Variants in SDK1 observed in about 807,000 individuals in gnomAD.
SDK1 encodes the protein protein sidekick-1.
In SDK1, 157 loss-of-function variants were observed where a neutral mutation model predicts 245.5. The ratio of observed to expected loss-of-function variants is 0.64; its 90% CI spans 0.56 to 0.73. The LOEUF (loss-of-function observed/expected upper bound fraction) is 0.73, where lower values mean the gene tolerates loss of function less well. Among genes scored for constraint, SDK1 ranks in the 30% least tolerant of loss-of-function variants. The pLI is 0.00. For synonymous variants in SDK1, 1,647 were observed against 1,278.5 expected (o/e 1.29, Z -6.15); for missense variants, 3,583 against 3,002.3 (o/e 1.19, Z -4.52).
intron 1 of SDK1, among the ~76,000 whole-genome samples, chr7:3,549,131 C>A (rs554343768): frequency 1.8e-4 from 27 of 152,330 alleles, no homozygotes; most frequent in African/African-American, 6.0e-4. Flanking sequence ...AAAAAATGAG[C>A]TGTGTGAAGG....
Position 4,056,577 on chromosome 7 carries a change from G to C in SDK1, c.2911+4747G>C, listed in dbSNP as rs75491831. Reference sequence around the variant, plus strand: ...TCCCCACTGTGGGAAAAGGGAAAGGGAGAGACCCCCGTGGTCCACATTCCC... The same window carrying C: ...TCCCCACTGTGGGAAAAGGGAAAGGCAGAGACCCCCGTGGTCCACATTCCC... On this transcript the variant is annotated intron_variant, in intron 19 of 44. Coordinates refer to ENST00000404826, the MANE Select transcript of SDK1 (RefSeq NM_152744.4). 6.9e-3 allele frequency among the ~76,000 whole-genome samples: 1,056 copies of C among 152,196 alleles called. 12 individuals are homozygous for C. Among genetic ancestry groups the C allele is most frequent in the African/African-American group, 0.024 (988 of 41,516 alleles).
chr7:3,934,565 T>C (rs983995696), intron 5 of SDK1, among the ~76,000 whole-genome samples: 1 of 152,208 alleles, frequency 6.6e-6, no homozygotes, highest in African/African-American at 2.4e-5. Flanking sequence ...ATTTGGAAAG[T>C]GTAAAGTTAC....
intron 2 of SDK1, among the ~76,000 whole-genome samples, chr7:3,629,063 C>T (rs955231319): frequency 2.0e-5 from 3 of 151,348 alleles, no homozygotes; most frequent in African/African-American, 7.3e-5. Flanking sequence ...GAGGCGGAGA[C>T]GGGCAGATCA....
intron 35 of SDK1, among the ~76,000 whole-genome samples, chr7:4,200,906 T>C (rs1783845495): frequency 6.6e-6 from 1 of 152,252 alleles, no homozygotes. Context: ...AACATTGCCA[T>C]GCCCATGCAT....
At chr7:3,436,489 C>G (rs1231495608) in intron 1 of SDK1, among the ~76,000 whole-genome samples, 1 of 151,906 alleles carries the variant, frequency 6.6e-6, no homozygotes, top group Non-Finnish European at 1.5e-5. Flanking sequence ...TGTTTGCAAA[C>G]CTGAATAAAT....
At chr7:3,809,764 C>A (rs1053621717) in intron 4 of SDK1, among the ~76,000 whole-genome samples, 1 of 152,188 alleles carries the variant, frequency 6.6e-6, no homozygotes, top group South Asian at 2.1e-4. Context: ...TCACGTGGAG[C>A]GAGGGTCAAG....
intron 1 of SDK1, among the ~76,000 whole-genome samples, chr7:3,381,151 C>CTG (rs1284086865): frequency 1.3e-5 from 2 of 151,998 alleles, no homozygotes; most frequent in African/African-American, 4.8e-5. Context: ...CATGAAGGGA[C>CTG]TGAAAGGAAG....
At chr7:3,984,925 G>T (rs111232626) in intron 13 of SDK1, among the ~76,000 whole-genome samples, 1 of 152,172 alleles carries the variant, frequency 6.6e-6, no homozygotes, top group Admixed American at 6.5e-5. Context: ...ACCCTGTCTG[G>T]CCTCTCTGCC....
At chr7:4,031,130 G>T (rs903401306) in intron 17 of SDK1, among the ~76,000 whole-genome samples, 22 of 151,856 alleles carry the variant, frequency 1.4e-4, no homozygotes, top group African/African-American at 5.3e-4. Flanking sequence ...CATGGACACA[G>T]ATAAGTCTAT....
At chr7:4,152,428 G>T (rs1166349982) in intron 30 of SDK1, among the ~76,000 whole-genome samples, 4 of 152,212 alleles carry the variant, frequency 2.6e-5, no homozygotes, top group African/African-American at 4.8e-5. Context: ...TTAATTGGCA[G>T]TGTGCTCACA....
intron 4 of SDK1, among the ~76,000 whole-genome samples, chr7:3,752,243 A>T (rs1274685350): frequency 1.3e-5 from 2 of 152,142 alleles, no homozygotes; most frequent in Non-Finnish European, 1.5e-5. Flanking sequence ...TAATGAATTT[A>T]TTGGATCAAT....
intron 1 of SDK1, among the ~76,000 whole-genome samples, chr7:3,423,215 G>GT (rs1159587621): frequency 3.3e-5 from 5 of 152,100 alleles, no homozygotes; most frequent in African/African-American, 7.2e-5. Context: ...AACAATTTAC[G>GT]TTTTTTATTG....
intron 1 of SDK1, among the ~76,000 whole-genome samples, chr7:3,548,425 A>G (rs1402494280): frequency 1.3e-5 from 2 of 152,336 alleles, no homozygotes; most frequent in East Asian, 3.9e-4. Context: ...GCTACATTTT[A>G]AATGTTAATA....
chr7:3,801,763 C>T lies in SDK1; in HGVS notation c.714-19687C>T, dbSNP rs780461141. Among the ~76,000 whole-genome samples, 33 of 152,318 alleles carry T rather than the reference C, an allele frequency of 2.2e-4. No individual in the cohort carries two copies. In the East Asian group the frequency reaches 6.4e-3, roughly 29 times the overall value. On this transcript the variant is annotated intron_variant, in intron 4 of 44. Coordinates refer to ENST00000404826, the MANE Select transcript of SDK1 (RefSeq NM_152744.4). Reference sequence around the variant, plus strand: ...CTTTGGCCCTTGGAACACGCCCAGCCTGTCCCATTGCAGGGCCTTTGCACT... The same window carrying T: ...CTTTGGCCCTTGGAACACGCCCAGCTTGTCCCATTGCAGGGCCTTTGCACT...
chr7:3,466,358 G>A (rs1583899612), intron 1 of SDK1, among the ~76,000 whole-genome samples: 3 of 150,930 alleles, frequency 2.0e-5, no homozygotes, highest in East Asian at 2.0e-4. Context: ...TTAATAGGAA[G>A]CGTGACATCA....
At chr7:4,063,575 A>C (rs1469449441) in intron 19 of SDK1, among the ~76,000 whole-genome samples, 1 of 150,340 alleles carries the variant, frequency 6.7e-6, no homozygotes, top group East Asian at 1.9e-4. Context: ...TCAAAATACC[A>C]GTGTCATTTT....
chr7:3,773,109 C>G (rs1230930342), intron 4 of SDK1, among the ~76,000 whole-genome samples: 1 of 152,118 alleles, frequency 6.6e-6, no homozygotes, highest in Non-Finnish European at 1.5e-5. Flanking sequence ...GTTTTCAGCC[C>G]TTATTTCTTC....
At chr7:3,350,304 G>A (rs1165872517) in intron 1 of SDK1, among the ~76,000 whole-genome samples, 2 of 135,874 alleles carry the variant, frequency 1.5e-5, no homozygotes, top group African/African-American at 5.0e-5. Context: ...TATTTATTTG[G>A]GGACAGCATC....
intron 1 of SDK1, among the ~76,000 whole-genome samples, chr7:3,398,132 G>C (rs76460254): frequency 0.018 from 2,703 of 152,140 alleles, 60 homozygotes; most frequent in Non-Finnish European, 0.03. Context: ...GTTTTCTGTA[G>C]CTGTAGGTTT....
Sources: gnomAD v4.1 joint callset for allele counts (sites outside exome capture counted in the v4.1 genomes callset) on GRCh38, gnomAD v4.1.1 for gene constraint, MANE v1.5 for transcripts, NCBI Gene and HGNC (gene_info 2026-07-23, HGNC 2026-07-21) for gene names.